ERCC8: variants seen among roughly 807,000 people sequenced by gnomAD.
The protein encoded by ERCC8 is DNA excision repair protein ERCC-8.
Under a neutral mutation model 54.9 loss-of-function variants are expected in ERCC8, and 52 were observed. The observed-to-expected ratio is 0.95, with a 90% CI of 0.76 to 1.19. ERCC8 has a LOEUF of 1.19. Among genes scored for constraint, ERCC8 ranks in the 50% most tolerant of loss-of-function variants. ERCC8 has a pLI of 0.00. For missense variants in ERCC8, 514 were observed against 466.1 expected (o/e 1.10, Z -0.95); for synonymous variants, 146 against 157.2 (o/e 0.93, Z 0.53).
intron 11 of ERCC8, among the ~76,000 whole-genome samples, chr5:60,876,833 T>C (rs560349603): frequency 1.7e-3 from 263 of 152,230 alleles, no homozygotes; most frequent in African/African-American, 5.8e-3. Context: ...TGTAGGTTGC[T>C]TGTTCACTCT....
In ERCC8 at chr5:60,871,494, A is replaced by G. The variant is rs1357203076; in HGVS notation, c.*3121T>C. On this transcript the variant is annotated 3_prime_UTR_variant, in exon 12 of 12. Transcript: ENST00000676185. The stretch of plus-strand genomic sequence containing the variant: ...GTGGCAGCAGGGGTAAGGACTGGGG[A>G]ATGTGGTACTAATGTGGAAAGAGAG... Among the ~76,000 whole-genome samples, 7 of 152,148 alleles carry G rather than the reference A, an allele frequency of 4.6e-5. No homozygotes were observed. The highest frequency in any genetic ancestry group is 1.0e-4 in the Non-Finnish European group (7 of 68,014).
intron 1 of ERCC8, 116 bp downstream of exon 1, chr5:60,944,816 G>A (rs1486553929): frequency 1.4e-6 from 1 of 739,912 alleles, no homozygotes; most frequent in African/African-American, 1.8e-5. Flanking sequence ...GCATTAGAGG[G>A]CAAATAATAG....
At chr5:60,903,872 T>A (rs1748975775) in intron 5 of ERCC8, among the ~76,000 whole-genome samples, 156 bp from the exon 6 acceptor site, 1 of 152,108 alleles carries the variant, frequency 6.6e-6, no homozygotes, top group African/African-American at 2.4e-5. Context: ...ATGTTTACAT[T>A]TAGAAAAGTT....
chr5:60,899,855 G>A (rs1487625259), intron 7 of ERCC8, 128 bp from the exon 8 acceptor site: 2 of 687,082 alleles, frequency 2.9e-6, no homozygotes, highest in African/African-American at 1.8e-5. Flanking sequence ...ATACATTAGG[G>A]TTGTTGAACT....
intron 11 of ERCC8, among the ~76,000 whole-genome samples, chr5:60,882,132 C>T (rs187695425): frequency 5.9e-5 from 9 of 152,186 alleles, no homozygotes; most frequent in East Asian, 5.8e-4. Context: ...TGAGCCACTG[C>T]GCCCGGCTTA....
chr5:60,902,212 G>C (rs930650572), intron 7 of ERCC8, among the ~76,000 whole-genome samples: 1 of 152,068 alleles, frequency 6.6e-6, no homozygotes, highest in Non-Finnish European at 1.5e-5. Context: ...ACACAACACA[G>C]TTCCTCTGTG....
chr5:60,893,508 GT>G, intron 9 of ERCC8: 1 of 846,216 alleles, frequency 1.2e-6, no homozygotes, highest in East Asian at 2.4e-5. Context: ...TTCCCATTTT[GT>G]TTTGCAGGCT....
intron 2 of ERCC8, among the ~76,000 whole-genome samples, chr5:60,927,110 T>G (rs1243123400): frequency 1.3e-5 from 2 of 152,154 alleles, no homozygotes; most frequent in Non-Finnish European, 2.9e-5. Flanking sequence ...CTTCACAGAG[T>G]GATACGCAAA....
chr5:60,941,029 G>T (rs548442921), intron 1 of ERCC8, among the ~76,000 whole-genome samples: 1 of 152,104 alleles, frequency 6.6e-6, no homozygotes, highest in South Asian at 2.1e-4. Context: ...TTGAACTTGA[G>T]CAACACTGGC....
chr5:60,934,672 T>C (rs1443018547), intron 1 of ERCC8, among the ~76,000 whole-genome samples: 2 of 152,268 alleles, frequency 1.3e-5, no homozygotes, highest in Non-Finnish European at 2.9e-5. Flanking sequence ...ATCAATGTTA[T>C]CTTCTAGAAT....
At chr5:60,892,107 G>T in intron 9 of ERCC8, 1 of 525,086 alleles carries the variant, frequency 1.9e-6, no homozygotes, top group Non-Finnish European at 3.8e-6. Flanking sequence ...GCAGTACTGG[G>T]CAGCAGTCCA....
intron 7 of ERCC8, 71 bp downstream of exon 7, chr5:60,902,371 A>T: frequency 9.0e-7 from 1 of 1,107,606 alleles, no homozygotes; most frequent in South Asian, 1.3e-5. Context: ...TATATACATT[A>T]CATAAATGTA....
intron 2 of ERCC8, among the ~76,000 whole-genome samples, chr5:60,924,881 C>A (rs1749702400): frequency 6.6e-6 from 1 of 152,058 alleles, no homozygotes; most frequent in Non-Finnish European, 1.5e-5. Flanking sequence ...GTTTGAGCAT[C>A]TCATTTCTGA....
In ERCC8 at chr5:60,914,243, T is replaced by C. The variant is rs187865195; in HGVS notation, c.399+4022A>G. ...GGGAGTCTAAGTCTCCTTGTAGGTC[T>C]GTATGGACTTGCTTATGAATCTGGG... On this transcript the variant is annotated intron_variant, in intron 4 of 11. Transcript: ENST00000676185. 3.2e-3 allele frequency among the ~76,000 whole-genome samples: 488 copies of C among 152,214 alleles called. 2 individuals carry two copies. The highest frequency in any genetic ancestry group is 5.7e-3 in the Non-Finnish European group (385 of 68,018).
intron 1 of ERCC8, among the ~76,000 whole-genome samples, chr5:60,931,524 G>A (rs1278455893): frequency 1.3e-5 from 2 of 152,066 alleles, no homozygotes; most frequent in African/African-American, 4.8e-5. Flanking sequence ...GCCCAGGCTG[G>A]TTTGGAACTC....
intron 4 of ERCC8, among the ~76,000 whole-genome samples, chr5:60,913,687 G>C (rs1301569253): frequency 6.6e-6 from 1 of 151,884 alleles, no homozygotes; most frequent in African/African-American, 2.4e-5. Flanking sequence ...GGGATGTTAG[G>C]GTGTCGATTT....
intron 1 of ERCC8, among the ~76,000 whole-genome samples, chr5:60,942,441 C>A (rs1156649530): frequency 6.6e-6 from 1 of 152,094 alleles, no homozygotes; most frequent in Non-Finnish European, 1.5e-5. Flanking sequence ...TGTGGTATAT[C>A]TGCACAGTGG....
At chr5:60,910,401 C>A (rs1202631593) in intron 4 of ERCC8, among the ~76,000 whole-genome samples, 1 of 151,970 alleles carries the variant, frequency 6.6e-6, no homozygotes, top group Non-Finnish European at 1.5e-5. Context: ...ATTAGCTAGT[C>A]AATTTTCAAA....
At chr5:60,919,511 A>G (rs1749540451) in intron 3 of ERCC8, 1 of 152,056 alleles carries the variant, frequency 6.6e-6, no homozygotes, top group Non-Finnish European at 1.5e-5. Context: ...ACAAAGAAGG[A>G]AAGTCTTAAG....
Sources: allele counts gnomAD v4.1 joint callset (sites outside exome capture counted in the v4.1 genomes callset), GRCh38; gene constraint gnomAD v4.1.1; transcripts MANE v1.5; gene names NCBI Gene and HGNC (gene_info 2026-07-23, HGNC 2026-07-21).